The following LRRC74A variants were observed in gnomAD, a reference collection of about 807,000 sequenced individuals.
LRRC74A encodes leucine-rich repeat-containing protein 74A.
A neutral mutation model predicts 57.9 loss-of-function variants in LRRC74A; 44 were observed. The ratio of observed to expected loss-of-function variants is 0.76; its 90% CI spans 0.60 to 0.98. The LOEUF is 0.98. Ranked by LOEUF, LRRC74A falls within the 50% of genes least tolerant of loss-of-function variation. The pLI is 0.00. For missense variants in LRRC74A, 572 were observed against 574.0 expected, an observed-to-expected ratio of 1.00 and a Z score of 0.04; for synonymous variants, 211 against 219.4, an observed-to-expected ratio of 0.96 and a Z score of 0.34.
intron 3 of LRRC74A, among the ~76,000 whole-genome samples, chr14:76,832,177 T>C (rs1341213311): frequency 6.6e-6 from 1 of 152,194 alleles, no homozygotes; most frequent in Admixed American, 6.5e-5. Flanking sequence ...ACCAGGTTCA[T>C]ATGCTCACTG....
At chr14:76,836,124 A>T (rs1050671227) in intron 3 of LRRC74A, 83 bp from the exon 4 acceptor site, 1 of 1,004,742 alleles carries the variant, frequency 1.0e-6, no homozygotes, top group Non-Finnish European at 1.5e-6. Flanking sequence ...GCCCATTCAC[A>T]TGGCTGGCCC....
chr14:76,838,211 C>T (rs1448103279), intron 5 of LRRC74A, among the ~76,000 whole-genome samples: 1 of 152,118 alleles, frequency 6.6e-6, no homozygotes, highest in East Asian at 1.9e-4. Context: ...CTTTACCACC[C>T]AAACTGAATA....
In LRRC74A at chr14:76,852,494, C is replaced by G. The variant is rs372597678; in HGVS notation, c.762+44C>G. On this transcript the variant is annotated intron_variant, in intron 8 of 13. Transcript: ENST00000689127. ...GTGATGTGTGGAGCCCAGTTGAGGA[C>G]AGCCAGGGCCTCCCATCCTGCCATC... The G allele has an allele frequency of 1.4e-5, 20 of 1,438,420 alleles. No homozygotes were observed. The African/African-American group carries it at 2.4e-4, about 17-fold the overall frequency. 89.1% of individuals were successfully genotyped at this position (1,438,420 alleles called of 1,614,324 possible).
chr14:76,835,245 G>A (rs1896240956), intron 3 of LRRC74A, among the ~76,000 whole-genome samples: 1 of 152,134 alleles, frequency 6.6e-6, no homozygotes, highest in South Asian at 2.1e-4. Flanking sequence ...CACTTTGGGA[G>A]GCCAAGGCGG....
At chr14:76,866,237 G>C (rs1234126312) in intron 12 of LRRC74A, among the ~76,000 whole-genome samples, 162 bp downstream of exon 12, 1 of 152,172 alleles carries the variant, frequency 6.6e-6, no homozygotes, top group East Asian at 1.9e-4. Context: ...TCTAGACCCA[G>C]AGGGGAACCT....
intron 9 of LRRC74A, among the ~76,000 whole-genome samples, chr14:76,856,227 C>T (rs1358376760): frequency 2.0e-5 from 3 of 152,146 alleles, no homozygotes; most frequent in African/African-American, 7.2e-5. Context: ...TGGTTTTGCC[C>T]CCCTTCCTCA....
intron 8 of LRRC74A, 49 bp from the exon 9 acceptor site, chr14:76,853,167 G>A (rs1308582838): frequency 1.9e-5 from 29 of 1,527,674 alleles, no homozygotes; most frequent in Non-Finnish European, 2.6e-5. Context: ...TTGGTTGGAT[G>A]AGTCACGCGT....
intron 2 of LRRC74A, among the ~76,000 whole-genome samples, chr14:76,830,823 G>T (rs922486730): frequency 6.6e-6 from 1 of 152,222 alleles, no homozygotes; most frequent in East Asian, 1.9e-4. Flanking sequence ...AGTCATCCGC[G>T]TTTGGCCTTT....
rs540953940 is a variant in LRRC74A at position 76,841,201 on chromosome 14, C to T, written c.545-3222C>T. On this transcript the variant is annotated intron_variant, in intron 5 of 13. Coordinates refer to ENST00000689127, the MANE Select transcript of LRRC74A (RefSeq NM_001385106.1). ...GAATTACAGGCGCCTGCTGCCATGC[C>T]CAGCTAATTTTTGTATTTTTAGTAG... Among the ~76,000 whole-genome samples, 6 of 152,194 alleles carry T rather than the reference C, an allele frequency of 3.9e-5. No homozygotes were observed. In the East Asian group the frequency reaches 1.2e-3, roughly 29 times the overall value.
At chr14:76,853,431 G>GTGTGTT in intron 9 of LRRC74A, 21 bp downstream of exon 9, 1 of 751,670 alleles carries the variant, frequency 1.3e-6, no homozygotes. Flanking sequence ...GCTGGAAAGG[G>GTGTGTT]TGTGTGTGTG....
intron 5 of LRRC74A, among the ~76,000 whole-genome samples, chr14:76,841,153 T>C (rs749121856): frequency 6.6e-6 from 1 of 152,322 alleles, no homozygotes; most frequent in East Asian, 1.9e-4. Flanking sequence ...GTGATTCTCC[T>C]GCCTCAGCCT....
chr14:76,865,944 C>CAAACA (rs1898750942), intron 11 of LRRC74A, 24 bp from the exon 12 acceptor site: 1 of 1,505,248 alleles, frequency 6.6e-7, no homozygotes, highest in African/African-American at 1.4e-5. Context: ...AGTGTTTGCT[C>CAAACA]CTGGTCTCTC....
At position 76,828,342 on chromosome 14, in the gene LRRC74A, G is replaced by A. The variant is rs1375543324; in HGVS notation, c.89G>A (p.Cys30Tyr). 3 of 1,613,440 alleles carry A rather than the reference G, an allele frequency of 1.9e-6. No individual in the cohort carries two copies. The highest frequency in any genetic ancestry group is 1.3e-5 in the African/African-American group (1 of 74,926). The change falls in exon 2 of 14, where the codon TGT becomes TAT. Residue 30 changes from cysteine to tyrosine, a missense_variant. Physicochemically the swap from Cys to Tyr is radical, Grantham distance 194 (BLOSUM62 -2). Coordinates refer to ENST00000689127, the MANE Select transcript of LRRC74A (RefSeq NM_001385106.1). ...VRQSSDKMLYCEAESPPTVEK... is the reference protein window; with the variant it reads ...VRQSSDKMLYYEAESPPTVEK... The stretch of plus-strand genomic sequence containing the variant: ...CAGAGCAGCGATAAAATGCTCTACT[G>A]TGAGGCCGAATCCCCGCCGACTGTT...
At chr14:76,830,122 T>C (rs1895869655) in intron 2 of LRRC74A, among the ~76,000 whole-genome samples, 1 of 152,218 alleles carries the variant, frequency 6.6e-6, no homozygotes, top group South Asian at 2.1e-4. Flanking sequence ...TGAGAAGCGC[T>C]GCTGTACAAG....
At chr14:76,848,244 C>A (rs61989410) in intron 7 of LRRC74A, among the ~76,000 whole-genome samples, 1 of 151,382 alleles carries the variant, frequency 6.6e-6, no homozygotes, top group Non-Finnish European at 1.5e-5. Flanking sequence ...CAAACCTGCA[C>A]GTTGTGCACA....
intron 12 of LRRC74A, among the ~76,000 whole-genome samples, chr14:76,866,690 T>G (rs957999033): frequency 1.3e-5 from 2 of 151,822 alleles, no homozygotes; most frequent in African/African-American, 2.4e-5. Context: ...GAGAATGAAC[T>G]TCACAGGATG....
chr14:76,851,130 C>T (rs892439399), intron 7 of LRRC74A, among the ~76,000 whole-genome samples: 6 of 152,202 alleles, frequency 3.9e-5, no homozygotes, highest in Admixed American at 6.5e-5. Context: ...CCCAGCTTCT[C>T]GCCAAGCCTG....
chr14:76,837,724 TCCTTGGCA>T (rs1460387063), intron 4 of LRRC74A, 143 bp from the exon 5 acceptor site: 1 of 443,134 alleles, frequency 2.3e-6, no homozygotes, highest in Non-Finnish European at 4.0e-6. Flanking sequence ...CTTCTCTTCG[TCCTTGGCA>T]CCTCCCTAAT....
chr14:76,863,500 C>T (rs1025968925), intron 11 of LRRC74A, among the ~76,000 whole-genome samples: 6 of 152,164 alleles, frequency 3.9e-5, no homozygotes, highest in Non-Finnish European at 8.8e-5. Flanking sequence ...CCTACCCGTT[C>T]TCAGGTCTCT....
Sources: gnomAD v4.1 joint callset for allele counts (sites outside exome capture counted in the v4.1 genomes callset) on GRCh38, gnomAD v4.1.1 for gene constraint, MANE v1.5 for transcripts, NCBI Gene and HGNC (gene_info 2026-07-23, HGNC 2026-07-21) for gene names.